Variants in CACNA1H observed in about 807,000 individuals in gnomAD.
CACNA1H encodes the protein voltage-dependent T-type calcium channel subunit alpha-1H.
Under a neutral mutation model 192.5 loss-of-function variants are expected in CACNA1H, and 149 were observed. The observed-to-expected ratio is 0.77, with a 90% CI of 0.68 to 0.89. The LOEUF is 0.89. Ranked by LOEUF, CACNA1H falls within the 40% of genes least tolerant of loss-of-function variation. The pLI is 0.00. For missense variants in CACNA1H, 4,257 were observed against 3,423.5 expected, an observed-to-expected ratio of 1.24 and a Z score of -6.08; for synonymous variants, 2,202 against 1,475.2, an observed-to-expected ratio of 1.49 and a Z score of -11.29.
rs573244464 is a variant in CACNA1H, at chr16:1,155,919, G to T, written c.299+1883G>T. 1.5e-3 allele frequency among the ~76,000 whole-genome samples: 233 copies of T among 152,258 alleles called. 1 individual carries two copies. The highest frequency in any genetic ancestry group is 5.4e-3 in the African/African-American group (226 of 41,544). ...CGGTGTCCTGAGGAGCTGTCCTTTT[G>T]GGCTTTGTGACCTGACAGGAGTATG... On this transcript the variant is annotated intron_variant, in intron 2 of 34. Coordinates refer to ENST00000348261, the MANE Select transcript of CACNA1H (RefSeq NM_021098.3).
intron 2 of CACNA1H, among the ~76,000 whole-genome samples, chr16:1,170,764 A>G (rs933697462): frequency 6.6e-6 from 1 of 152,180 alleles, no homozygotes; most frequent in Non-Finnish European, 1.5e-5. Context: ...GGAAGAGGCC[A>G]GGAGACCAGG....
intron 2 of CACNA1H, chr16:1,159,424 A>G (rs1380905705): frequency 6.8e-6 from 1 of 146,972 alleles, no homozygotes; most frequent in Non-Finnish European, 1.5e-5. Flanking sequence ...TGTATAGCAG[A>G]TGAGAGGGAG....
Position 1,193,915 on chromosome 16 carries a change from T to C in CACNA1H, c.300-1057T>C, listed in dbSNP as rs557151014. 1.8e-4 allele frequency among the ~76,000 whole-genome samples: 28 copies of C among 152,164 alleles called. 1 individual carries two copies. The South Asian group carries it at 5.4e-3, about 29-fold the overall frequency. The stretch of plus-strand genomic sequence containing the variant: ...CTCCTACCGTGGCAGCTGCCCTTCC[T>C]GTGATCCCTGAGAGTTTGAGACACT... On this transcript the variant is annotated intron_variant, in intron 2 of 34. Transcript: ENST00000348261.
rs1399130644 is a variant in CACNA1H, at chr16:1,201,830, G to A, written c.1380G>A (p.Leu460=). The A allele has an allele frequency of 6.3e-7, 1 of 1,576,160 alleles. No individual in the cohort carries two copies. Among genetic ancestry groups the A allele is most frequent in the African/African-American group, 1.3e-5 (1 of 74,218 alleles). ...AGCCTGGCAGCTGCTACGAAGAGCT[G>A]CTGAAGTACGTGGGCCACATATTCC... ...FSEPGSCYEE[L]LKYVGHIFRK... The change falls in exon 9 of 35, where the codon CTG becomes CTA. Residue 460 remains leucine (L), a synonymous_variant. Transcript: ENST00000348261.
At chr16:1,210,560 C>A in intron 19 of CACNA1H, 23 bp from the exon 20 acceptor site, 2 of 1,609,848 alleles carry the variant, frequency 1.2e-6, no homozygotes, top group Non-Finnish European at 1.7e-6. Context: ...TGGACACAGC[C>A]CCCCACCGTC....
chr16:1,198,799 G>A (rs756758416), intron 6 of CACNA1H, 25 bp downstream of exon 6: 144 of 1,595,516 alleles, frequency 9.0e-5, no homozygotes, highest in Non-Finnish European at 1.2e-4. Flanking sequence ...CCCCCGTGAG[G>A]CCCCTGCCCA....
At chr16:1,174,710 A>G (rs2151725446) in intron 2 of CACNA1H, among the ~76,000 whole-genome samples, 1 of 152,330 alleles carries the variant, frequency 6.6e-6, no homozygotes, top group African/African-American at 2.4e-5. Flanking sequence ...TGACTCAGAC[A>G]GTTCACAGAG....
chr16:1,208,065 A>C lies in CACNA1H; in HGVS notation c.3207A>C (p.Arg1069=). 6.2e-7 allele frequency: 1 copy of C among 1,605,586 alleles called. No homozygotes were observed. The highest frequency in any genetic ancestry group is 8.5e-7 in the Non-Finnish European group (1 of 1,177,102). ...AVTPNGHLEG[R]GSLSPPLIMC... ...CCCCCAACGGGCACCTGGAGGGACG[A>C]GGCAGCCTGTCCCCTCCCCTCATCA... The change falls in exon 16 of 35, where the codon CGA becomes CGC. Residue 1069 remains arginine, a synonymous_variant. Coordinates refer to ENST00000348261, the MANE Select transcript of CACNA1H (RefSeq NM_021098.3).
chr16:1,201,480 T>C (rs76029271), intron 8 of CACNA1H, among the ~76,000 whole-genome samples, 183 bp from the exon 9 acceptor site: 2 of 152,144 alleles, frequency 1.3e-5, no homozygotes, highest in South Asian at 2.1e-4. Context: ...AGCTACTGTA[T>C]GCCGTCTGCT....
At chr16:1,206,472 C>T (rs566025660) in intron 12 of CACNA1H, 183 bp downstream of exon 12, 34 of 607,534 alleles carry the variant, frequency 5.6e-5, no homozygotes, top group African/African-American at 9.3e-5. Context: ...CTGTGTGCCA[C>T]GTGTTAGACA....
intron 2 of CACNA1H, among the ~76,000 whole-genome samples, chr16:1,165,946 C>T (rs1392521285): frequency 6.6e-6 from 1 of 152,126 alleles, no homozygotes; most frequent in African/African-American, 2.4e-5. Context: ...GAGTGGTGGG[C>T]ACACCGGCCC....
At position 1,200,430 on chromosome 16, in the gene CACNA1H, G is replaced by A. The variant is rs1178933489; in HGVS notation, c.978G>A (p.Gln326=). 3 of 1,610,386 alleles carry A rather than the reference G, an allele frequency of 1.9e-6. No homozygotes were observed. Among genetic ancestry groups the A allele is most frequent in the Non-Finnish European group, 2.5e-6 (3 of 1,179,456 alleles). ...TLGWEAYTQP[Q]AEGVGAARNA... ...GCTGGGAGGCCTACACGCAGCCGCA[G>A]GCCGAGGGGGTGGGCGCTGCACGCA... is the stretch of plus-strand genomic sequence containing the variant. Residue 326 remains glutamine, a synonymous_variant, in exon 7 of 35, where the codon CAG becomes CAA. Coordinates refer to ENST00000348261, the MANE Select transcript of CACNA1H (RefSeq NM_021098.3).
chr16:1,161,399 C>G (rs1028041746), intron 2 of CACNA1H, among the ~76,000 whole-genome samples: 9 of 152,224 alleles, frequency 5.9e-5, no homozygotes, highest in Non-Finnish European at 1.2e-4. Flanking sequence ...GCAGAGCCCC[C>G]TGGCCGGAGG....
Position 1,209,230 on chromosome 16 carries a change from C to T in CACNA1H, c.3562C>T (p.Pro1188Ser), listed in dbSNP as rs1239304476. 3 of 1,543,854 alleles carry T rather than the reference C, an allele frequency of 1.9e-6. No individual in the cohort carries two copies. The highest frequency in any genetic ancestry group is 1.7e-4 in the Middle Eastern group (1 of 5,972). The change falls in exon 17 of 35, where the codon CCC becomes TCC. Residue 1188 changes from proline to serine, a missense_variant. Coordinates refer to ENST00000348261, the MANE Select transcript of CACNA1H (RefSeq NM_021098.3). ...EAEDGRAAPG[P>S]RATPLRRAES... Reference sequence around the variant, plus strand: ...TGAGGACGGCAGGGCCGCGCCCGGGCCCCGTGCCACCCCACTGCGGCGGGC... The same window carrying T: ...TGAGGACGGCAGGGCCGCGCCCGGGTCCCGTGCCACCCCACTGCGGCGGGC...
chr16:1,193,199 AAATGATGGCCCTCAGAGATGCACAAAG>A lies in CACNA1H; in HGVS notation c.300-1771_300-1745del, dbSNP rs533764744. Among the ~76,000 whole-genome samples the A allele has an allele frequency of 3.4e-3, 519 of 152,302 alleles. 5 individuals are homozygous for A. The highest frequency in any genetic ancestry group is 0.016 in the South Asian group (76 of 4,828). On this transcript the variant is annotated intron_variant, in intron 2 of 34. Coordinates refer to ENST00000348261, the MANE Select transcript of CACNA1H (RefSeq NM_021098.3). ...ACCCAAGAAAACCCCTCCCCTCGGG[AAATGATGGCCCTCAGAGATGCACAAAG>A]ACAGTCCCCAGCCACCCCCGCAGAA...
At chr16:1,204,598 A>G (rs1377036167) in intron 10 of CACNA1H, 140 bp downstream of exon 10, 2 of 653,472 alleles carry the variant, frequency 3.1e-6, no homozygotes, top group Non-Finnish European at 5.1e-6. Context: ...GGGGATGGTG[A>G]GGATAGGAGA....
intron 2 of CACNA1H, among the ~76,000 whole-genome samples, chr16:1,154,346 G>A (rs1048542181): frequency 6.6e-6 from 1 of 152,150 alleles, no homozygotes. Flanking sequence ...GGGAGGGAAG[G>A]TCCTAACTCC....
chr16:1,195,293 G>A lies in CACNA1H; in HGVS notation c.412-139G>A, dbSNP rs35250176. The A allele has an allele frequency of 0.27, 300,855 of 1,129,588 alleles. 43,045 individuals are homozygous for A. The highest frequency in any genetic ancestry group is 0.31 in the Non-Finnish European group (252,143 of 826,410). 70.0% of individuals were successfully genotyped at this position (1,129,588 alleles called of 1,614,324 possible). On this transcript the variant is annotated intron_variant, in intron 3 of 34. Transcript: ENST00000348261. ...GAGGTTCAAGGCGAGGCAGGGCTCA[G>A]TTCCTGGGGCTCAGGGCGGGGCAGG...
chr16:1,204,177 G>A lies in CACNA1H; in HGVS notation c.2170G>A (p.Gly724Ser), dbSNP rs1968360900. 1 of 1,612,226 alleles carries A rather than the reference G, an allele frequency of 6.2e-7. No individual in the cohort carries two copies. The highest frequency in any genetic ancestry group is 1.3e-5 in the African/African-American group (1 of 74,930). Residue 724 changes from glycine to serine, a missense_variant, in exon 10 of 35, where the codon GGC becomes AGC. Coordinates refer to ENST00000348261, the MANE Select transcript of CACNA1H (RefSeq NM_021098.3). The part of the protein sequence containing the change: ...LSGSESGDSD[G>S]RGVYEFTQDV... ...CGGCTCGGAAAGTGGAGACTCAGAT[G>A]GCCGTGGCGTCTATGAATTCACGCA...
Sources: gnomAD v4.1 joint callset for allele counts (sites outside exome capture counted in the v4.1 genomes callset) on GRCh38, gnomAD v4.1.1 for gene constraint, MANE v1.5 for transcripts, NCBI Gene and HGNC (gene_info 2026-07-23, HGNC 2026-07-21) for gene names.